IGF1R: variants seen among roughly 807,000 people sequenced by gnomAD.
IGF1R encodes insulin-like growth factor 1 receptor.
Under a neutral mutation model 144.6 loss-of-function variants are expected in IGF1R, and 44 were observed. The observed-to-expected ratio is 0.30, with a 90% CI of 0.24 to 0.39. The LOEUF (loss-of-function observed/expected upper bound fraction) is 0.39, where lower values mean the gene tolerates loss of function less well. IGF1R is among the 10% of genes least tolerant of loss of function. IGF1R has a pLI of 1.00. For missense variants in IGF1R, 1,355 were observed against 1,833.7 expected (o/e 0.74, Z 4.77); for synonymous variants, 795 against 722.8 (o/e 1.10, Z -1.60).
intron 1 of IGF1R, among the ~76,000 whole-genome samples, chr15:98,684,916 T>G (rs1027937513): frequency 6.7e-6 from 1 of 150,000 alleles, no homozygotes; most frequent in Non-Finnish European, 1.5e-5. Context: ...TGTATATATT[T>G]CTTCTTCCTT....
At position 98,962,998 on chromosome 15, in the gene IGF1R, T is replaced by C. The variant is rs1349067730; in HGVS notation, c.*5556T>C. ...TCTTTCTGGTCAACATTGTTTTAACTAGTCACTCATTAGCGTTTTCAATAG... is the reference window on the plus strand; with the variant it reads ...TCTTTCTGGTCAACATTGTTTTAACCAGTCACTCATTAGCGTTTTCAATAG... On this transcript the variant is annotated 3_prime_UTR_variant, in exon 21 of 21. Transcript: ENST00000650285. 1.3e-5 allele frequency: 3 copies of C among 233,614 alleles called. No individual in the cohort carries two copies. The highest frequency in any genetic ancestry group is 1.7e-5 in the Non-Finnish European group (2 of 118,050). 14.5% of individuals were successfully genotyped at this position (233,614 alleles called of 1,614,324 possible).
chr15:98,957,607 A>G lies in IGF1R; in HGVS notation c.*165A>G. On this transcript the variant is annotated 3_prime_UTR_variant, in exon 21 of 21. Coordinates refer to ENST00000650285, the MANE Select transcript of IGF1R (RefSeq NM_000875.5). ...AGACAGCTTCTCTGCAGTAAAACAC[A>G]TTTGGGATGTTCCTTTTTTCAATAT... is the stretch of plus-strand genomic sequence containing the variant. 1.3e-6 allele frequency: 1 copy of G among 783,972 alleles called. No individual in the cohort carries two copies. Among genetic ancestry groups the G allele is most frequent in the Non-Finnish European group, 2.1e-6 (1 of 487,556 alleles). The allele number at this position is 783,972 out of a possible 1,614,324, so 48.6% of individuals were successfully genotyped here.
At chr15:98,758,871 G>T (rs1342565248) in intron 2 of IGF1R, among the ~76,000 whole-genome samples, 1 of 152,196 alleles carries the variant, frequency 6.6e-6, no homozygotes, top group African/African-American at 2.4e-5. Flanking sequence ...CTATATTTGT[G>T]TACATTTTTC....
At chr15:98,685,240 C>T (rs1357725310) in intron 1 of IGF1R, among the ~76,000 whole-genome samples, 2 of 152,156 alleles carry the variant, frequency 1.3e-5, no homozygotes, top group Non-Finnish European at 1.5e-5. Flanking sequence ...CCACCATGCC[C>T]GGCTGGAACT....
chr15:98,812,082 G>GT (rs1468250267), intron 2 of IGF1R, among the ~76,000 whole-genome samples: 6 of 152,194 alleles, frequency 3.9e-5, no homozygotes, highest in African/African-American at 7.2e-5. Flanking sequence ...ATAAAGTATA[G>GT]TTTAATAGCC....
intron 2 of IGF1R, among the ~76,000 whole-genome samples, chr15:98,826,922 A>G (rs1399805883): frequency 1.3e-5 from 2 of 152,216 alleles, no homozygotes; most frequent in South Asian, 2.1e-4. Context: ...TGAAAAGTCT[A>G]CGGGGTTTAT....
At chr15:98,909,082 C>T (rs144833679) in intron 6 of IGF1R, among the ~76,000 whole-genome samples, 183 bp downstream of exon 6, 5 of 152,250 alleles carry the variant, frequency 3.3e-5, no homozygotes, top group South Asian at 4.1e-4. Context: ...TGGGCAGATA[C>T]GTGATGTATT....
chr15:98,899,156 A>G (rs373938276), intron 4 of IGF1R, among the ~76,000 whole-genome samples: 1 of 152,246 alleles, frequency 6.6e-6, no homozygotes, highest in Non-Finnish European at 1.5e-5. Flanking sequence ...ATATTAAAAG[A>G]CGTTCCCTAC....
chr15:98,909,261 C>CTTTTTTTTTTTTTTTTTTTTTTTTCT (rs752298130), intron 6 of IGF1R, among the ~76,000 whole-genome samples: 1 of 91,760 alleles, frequency 1.1e-5, no homozygotes, highest in Admixed American at 1.2e-4. Flanking sequence ...CTTTTTTTTT[C>CTTTTTTTTTTTTTTTTTTTTTTTTCT]TTTTTTTTTT....
intron 2 of IGF1R, chr15:98,880,679 C>G (rs2013326130): frequency 6.6e-6 from 1 of 152,208 alleles, no homozygotes. Context: ...TTGACATAGC[C>G]TATAAGACAT....
At chr15:98,827,042 A>G (rs570215767) in intron 2 of IGF1R, among the ~76,000 whole-genome samples, 27 of 152,312 alleles carry the variant, frequency 1.8e-4, no homozygotes, top group African/African-American at 5.1e-4. Flanking sequence ...TGTAATTGCT[A>G]TGTTACTAAG....
At chr15:98,657,036 T>G (rs2052502234) in intron 1 of IGF1R, among the ~76,000 whole-genome samples, 1 of 152,248 alleles carries the variant, frequency 6.6e-6, no homozygotes, top group African/African-American at 2.4e-5. Flanking sequence ...ACTTGAAATT[T>G]TTCCTGATAC....
intron 1 of IGF1R, among the ~76,000 whole-genome samples, chr15:98,660,049 A>G (rs565162876): frequency 2.0e-4 from 30 of 152,366 alleles, no homozygotes; most frequent in Admixed American, 9.1e-4. Flanking sequence ...CACAAAATAT[A>G]TAGCTGGTTA....
chr15:98,665,074 C>T (rs981771436), intron 1 of IGF1R, among the ~76,000 whole-genome samples: 2 of 151,718 alleles, frequency 1.3e-5, no homozygotes, highest in Admixed American at 1.3e-4. Context: ...TCTCCTGCCT[C>T]AGCCTCCCCA....
intron 20 of IGF1R, among the ~76,000 whole-genome samples, chr15:98,956,449 C>T (rs965512929): frequency 2.0e-5 from 3 of 152,228 alleles, no homozygotes; most frequent in Admixed American, 6.5e-5. Flanking sequence ...GGAGCGAGCA[C>T]GTGCTAGATG....
chr15:98,841,400 C>CT (rs767668854), intron 2 of IGF1R, among the ~76,000 whole-genome samples: 72 of 152,332 alleles, frequency 4.7e-4, no homozygotes, highest in Admixed American at 2.0e-3. Flanking sequence ...TGTGTGAAAA[C>CT]TGAGTTACTA....
chr15:98,815,042 G>A (rs533345104), intron 2 of IGF1R, among the ~76,000 whole-genome samples: 2 of 152,216 alleles, frequency 1.3e-5, no homozygotes, highest in South Asian at 2.1e-4. Flanking sequence ...ATAATTAGTA[G>A]TACAAAAATT....
rs1370495078 is a variant in IGF1R, at chr15:98,908,971, T to C, written c.1462+72T>C. On this transcript the variant is annotated intron_variant, in intron 6 of 20. Transcript: ENST00000650285. The stretch of plus-strand genomic sequence containing the variant: ...CAGCAGACCCTCCTCCCATGTGTGA[T>C]GGCAGCTTTCCTCTGCGGCCCCTCC... 5.0e-6 allele frequency: 7 copies of C among 1,388,522 alleles called. No homozygotes were observed. In the Admixed American group the frequency reaches 5.7e-5, roughly 11 times the overall value. 86.0% of individuals were successfully genotyped at this position (1,388,522 alleles called of 1,614,324 possible). A position where few individuals can be genotyped will look rare whatever the true frequency, so the allele number is the denominator to read the frequency against.
intron 5 of IGF1R, among the ~76,000 whole-genome samples, chr15:98,901,518 C>G (rs528902269): frequency 3.3e-5 from 5 of 152,364 alleles, no homozygotes; most frequent in Admixed American, 2.0e-4. Flanking sequence ...AACACCTCAG[C>G]TGTTCATTTC....
Sources: allele counts gnomAD v4.1 joint callset (sites outside exome capture counted in the v4.1 genomes callset), GRCh38; gene constraint gnomAD v4.1.1; transcripts MANE v1.5; gene names NCBI Gene and HGNC (gene_info 2026-07-23, HGNC 2026-07-21).